The following NRXN3 variants were observed in gnomAD, a reference collection of about 807,000 sequenced individuals.
NRXN3 encodes neurexin 3, also known as neurexin III.
NRXN3 carries 32 observed loss-of-function variants against 137.6 expected under a neutral mutation model. The observed-to-expected ratio is 0.23, with a 90% CI of 0.18 to 0.31. The LOEUF (loss-of-function observed/expected upper bound fraction) is 0.31. Ranked by LOEUF, NRXN3 falls within the 10% of genes least tolerant of loss-of-function variation. The pLI, the probability that NRXN3 is intolerant of heterozygous loss-of-function variation, is 1.00. For synonymous variants in NRXN3, 798 were observed against 784.5 expected (o/e 1.02, Z -0.29); for missense variants, 1,574 against 2,062.5 (o/e 0.76, Z 4.59).
At chr14:79,242,031 C>T (rs2074390748) in intron 15 of NRXN3, among the ~76,000 whole-genome samples, 1 of 151,714 alleles carries the variant, frequency 6.6e-6, no homozygotes, top group Non-Finnish European at 1.5e-5. Context: ...CACGCCACTG[C>T]ACTCCAGCCT....
chr14:78,376,672 C>G lies in NRXN3; in HGVS notation c.757+78812C>G, dbSNP rs1433750504. Among the ~76,000 whole-genome samples the G allele has an allele frequency of 2.0e-5, 3 of 152,290 alleles. No homozygotes were observed. In the East Asian group the frequency reaches 5.8e-4, roughly 29 times the overall value. On this transcript the variant is annotated intron_variant, in intron 4 of 20. Transcript: ENST00000335750. The stretch of plus-strand genomic sequence containing the variant: ...GAAAAGCTGGAAACATCAATCTACA[C>G]AGGCAAAAAAGCCCAAGAAAAGCCT...
chr14:79,263,731 A>G (rs1010189574), intron 15 of NRXN3, among the ~76,000 whole-genome samples: 29 of 152,148 alleles, frequency 1.9e-4, no homozygotes, highest in African/African-American at 6.8e-4. Context: ...CTTTTTTTCC[A>G]GAAAAAAAAT....
intron 6 of NRXN3, among the ~76,000 whole-genome samples, chr14:78,688,353 G>A (rs2098141048): frequency 6.6e-6 from 1 of 152,150 alleles, no homozygotes; most frequent in South Asian, 2.1e-4. Context: ...AAACACAAGA[G>A]AGTATTGAAT....
chr14:78,984,355 A>C (rs376461016), intron 14 of NRXN3, among the ~76,000 whole-genome samples: 1 of 152,216 alleles, frequency 6.6e-6, no homozygotes, highest in East Asian at 1.9e-4. Flanking sequence ...ATTATCTTTC[A>C]ATTTAAAAGA....
chr14:79,677,734 G>T (rs779185238), intron 17 of NRXN3, among the ~76,000 whole-genome samples: 1 of 152,228 alleles, frequency 6.6e-6, no homozygotes. Flanking sequence ...AAATAAGTCA[G>T]CTAAACTGAG....
At chr14:79,238,934 C>T (rs543630487) in intron 15 of NRXN3, among the ~76,000 whole-genome samples, 1 of 152,198 alleles carries the variant, frequency 6.6e-6, no homozygotes, top group African/African-American at 2.4e-5. Context: ...CAAGAGATAT[C>T]CCATATCCAG....
chr14:78,900,711 A>G (rs1467862131), intron 10 of NRXN3, among the ~76,000 whole-genome samples: 1 of 152,034 alleles, frequency 6.6e-6, no homozygotes, highest in Non-Finnish European at 1.5e-5. Flanking sequence ...AAATAAAAAT[A>G]CCATGTCCTC....
intron 4 of NRXN3, among the ~76,000 whole-genome samples, chr14:78,337,197 A>G (rs1371315167): frequency 1.3e-5 from 2 of 152,112 alleles, no homozygotes; most frequent in African/African-American, 2.4e-5. Context: ...ATGGACATGT[A>G]TGGAGGTGGA....
At chr14:79,290,935 C>G (rs2083082065) in intron 15 of NRXN3, among the ~76,000 whole-genome samples, 1 of 152,162 alleles carries the variant, frequency 6.6e-6, no homozygotes, top group Non-Finnish European at 1.5e-5. Context: ...TGGGTCCATT[C>G]TAGCCACTTT....
chr14:79,404,592 G>C lies in NRXN3; in HGVS notation c.3263-62629G>C, dbSNP rs151304431. Reference sequence around the variant, plus strand: ...TCTCTAAGAAAAGGTAGGGGGCAATGGATTTAAACTAGGGGCATACACTGC... The same window carrying C: ...TCTCTAAGAAAAGGTAGGGGGCAATCGATTTAAACTAGGGGCATACACTGC... On this transcript the variant is annotated intron_variant, in intron 15 of 20. Transcript: ENST00000335750. 8.5e-3 allele frequency among the ~76,000 whole-genome samples: 1,299 copies of C among 152,184 alleles called. 14 individuals carry two copies. Among genetic ancestry groups the C allele is most frequent in the African/African-American group, 0.029 (1,225 of 41,530 alleles).
At chr14:78,237,475 G>A (rs2066467869) in intron 1 of NRXN3, among the ~76,000 whole-genome samples, 1 of 152,200 alleles carries the variant, frequency 6.6e-6, no homozygotes, top group Non-Finnish European at 1.5e-5. Flanking sequence ...CTCCAATGGT[G>A]GAGATGGATC....
chr14:79,010,844 A>G (rs2099569722), intron 15 of NRXN3, among the ~76,000 whole-genome samples: 3 of 152,220 alleles, frequency 2.0e-5, no homozygotes, highest in South Asian at 2.1e-4. Flanking sequence ...GGAAGTAGGA[A>G]GCTGGAATTC....
At chr14:78,171,987 C>T (rs1190322760) in intron 1 of NRXN3, among the ~76,000 whole-genome samples, 2 of 152,014 alleles carry the variant, frequency 1.3e-5, no homozygotes, top group South Asian at 2.1e-4. Flanking sequence ...GCTGGTAGGA[C>T]AAGAGCTGTC....
intron 15 of NRXN3, among the ~76,000 whole-genome samples, chr14:79,315,764 C>T (rs147939721): frequency 5.9e-5 from 9 of 152,146 alleles, no homozygotes; most frequent in African/African-American, 2.2e-4. Context: ...CTTGGTTGCT[C>T]TGTTTCTTGT....
intron 8 of NRXN3, among the ~76,000 whole-genome samples, chr14:78,730,773 T>C (rs544755855): frequency 1.3e-5 from 2 of 152,280 alleles, no homozygotes; most frequent in Non-Finnish European, 2.9e-5. Context: ...GGCTAAAATA[T>C]GGCTGAGGAA....
In NRXN3 at chr14:78,279,193, G is replaced by GA. The variant is rs894484325; in HGVS notation, c.727+540dup. Among the ~76,000 whole-genome samples, 22 of 150,412 alleles carry GA rather than the reference G, an allele frequency of 1.5e-4. No individual in the cohort carries two copies. The Middle Eastern group carries it at 0.014, about 94-fold the overall frequency. On this transcript the variant is annotated intron_variant, in intron 3 of 20. Transcript: ENST00000335750. ...ATGTAAATAATACATGCTCACTGTG[G>GA]AAAAAAAAAGCAGGATGGTTTGAAT...
chr14:79,812,233 C>T lies in NRXN3; in HGVS notation c.4093+7043C>T, dbSNP rs1205831229. On this transcript the variant is annotated intron_variant, in intron 20 of 20. Coordinates refer to ENST00000335750, the MANE Select transcript of NRXN3 (RefSeq NM_001330195.2). The stretch of plus-strand genomic sequence containing the variant: ...AATCAATGTATGAGTGTATATACTT[C>T]TATCTGAAAGTTTGATAAATCTCTT... Among the ~76,000 whole-genome samples the T allele has an allele frequency of 5.3e-4, 80 of 152,138 alleles. 1 individual carries two copies. The highest frequency in any genetic ancestry group is 7.3e-5 in the Non-Finnish European group (5 of 68,038).
intron 4 of NRXN3, among the ~76,000 whole-genome samples, chr14:78,389,198 G>A (rs2090422333): frequency 6.6e-6 from 1 of 151,996 alleles, no homozygotes; most frequent in African/African-American, 2.4e-5. Flanking sequence ...TGGGATTACA[G>A]GCACCCACCA....
intron 14 of NRXN3, among the ~76,000 whole-genome samples, chr14:78,973,691 AG>A (rs2099452658): frequency 6.6e-6 from 1 of 152,162 alleles, no homozygotes; most frequent in Non-Finnish European, 1.5e-5. Context: ...TTACAAAGTC[AG>A]TAATGGCCCA....
Sources: allele counts gnomAD v4.1 joint callset (sites outside exome capture counted in the v4.1 genomes callset), GRCh38; gene constraint gnomAD v4.1.1; transcripts MANE v1.5; gene names NCBI Gene and HGNC (gene_info 2026-07-23, HGNC 2026-07-21).